TNNT1: variants seen among roughly 807,000 people sequenced by gnomAD.
The protein encoded by TNNT1 is troponin T1, slow skeletal type.
Under a neutral mutation model 50.6 loss-of-function variants are expected in TNNT1, and 53 were observed. The ratio of observed to expected loss-of-function variants is 1.05; its 90% CI spans 0.84 to 1.32. TNNT1 has a LOEUF of 1.32. Among genes scored for constraint, TNNT1 ranks in the 40% most tolerant of loss-of-function variants. The probability of loss-of-function intolerance (pLI) is 0.00; values close to 1 mark genes in which losing one functional copy is unlikely to be tolerated. For synonymous variants in TNNT1, 142 were observed against 138.0 expected, an observed-to-expected ratio of 1.03 and a Z score of -0.20; for missense variants, 348 against 381.7, an observed-to-expected ratio of 0.91 and a Z score of 0.74.
rs2085271570 is a variant in TNNT1, at chr19:55,132,827, C to A, written c.*88G>T. ...ACCATAATAACATCAGAGAACCCAGCGGGTGTCTGAGGGGAGCGTTTATTT... is the reference window on the plus strand; with the variant it reads ...ACCATAATAACATCAGAGAACCCAGAGGGTGTCTGAGGGGAGCGTTTATTT... On this transcript the variant is annotated 3_prime_UTR_variant, in exon 14 of 14. Transcript: ENST00000588981. The A allele has an allele frequency of 5.5e-6, 7 of 1,263,280 alleles. No homozygotes were observed. Among genetic ancestry groups the A allele is most frequent in the Admixed American group, 2.0e-5 (1 of 50,662 alleles). 78.3% of individuals were successfully genotyped at this position (1,263,280 alleles called of 1,614,324 possible). A position where few individuals can be genotyped will look rare whatever the true frequency, so the allele number is the denominator to read the frequency against.
intron 10 of TNNT1, 122 bp downstream of exon 10, chr19:55,137,839 C>G (rs2085381177): frequency 2.4e-6 from 3 of 1,256,962 alleles, no homozygotes; most frequent in South Asian, 2.4e-5. Flanking sequence ...CAGGGCCCAG[C>G]CCCTCCTCCC....
chr19:55,137,427 T>C (rs972855225), intron 10 of TNNT1, among the ~76,000 whole-genome samples: 14 of 147,162 alleles, frequency 9.5e-5, no homozygotes, highest in African/African-American at 3.6e-4. Context: ...TCTCTTAGAC[T>C]GAGTCCAAGC....
intron 5 of TNNT1, 109 bp from the exon 6 acceptor site, chr19:55,145,674 C>A (rs2085536351): frequency 1.7e-6 from 2 of 1,194,012 alleles, no homozygotes; most frequent in African/African-American, 1.5e-5. Flanking sequence ...CCCCAGGACC[C>A]CAGGGAAGGA....
chr19:55,143,478 A>G (rs2085494915), intron 6 of TNNT1, among the ~76,000 whole-genome samples: 1 of 152,088 alleles, frequency 6.6e-6, no homozygotes, highest in African/African-American at 2.4e-5. Context: ...GACTTAGGGG[A>G]TGCTGGGCAA....
chr19:55,146,631 C>T (rs1264101861), intron 4 of TNNT1, 50 bp downstream of exon 4: 2 of 742,896 alleles, frequency 2.7e-6, no homozygotes, highest in Non-Finnish European at 4.4e-6. Context: ...GGCCCAGCGT[C>T]CCCGCCCCCC....
At chr19:55,146,384 CCCCCCGGG>C (rs2085551690) in intron 5 of TNNT1, 42 bp downstream of exon 5, 1 of 1,305,978 alleles carries the variant, frequency 7.7e-7, no homozygotes, top group Non-Finnish European at 9.9e-7. Context: ...TATCGGGGGT[CCCCCCGGG>C]CCCCCGACAT....
chr19:55,133,916 C>T lies in TNNT1; in HGVS notation c.762G>A (p.Leu254=), dbSNP rs2085294014. 6.2e-7 allele frequency: 1 copy of T among 1,613,776 alleles called. No individual in the cohort carries two copies. The highest frequency in any genetic ancestry group is 1.1e-5 in the South Asian group (1 of 91,080). The change falls in exon 13 of 14, where the codon CTG becomes CTA. Residue 254 remains leucine (L), a synonymous_variant. Coordinates refer to ENST00000588981, the MANE Select transcript of TNNT1 (RefSeq NM_003283.6). ...LKQQKYEINV[L]YNRISHAQKF... ...TCTGGGCGTGGCTGATGCGGTTGTA[C>T]AGCACGTTGATCTGCGGAGGCAGAA... is the stretch of plus-strand genomic sequence containing the variant.
chr19:55,137,537 A>AG (rs2085371077), intron 10 of TNNT1, among the ~76,000 whole-genome samples: 1 of 61,062 alleles, frequency 1.6e-5, no homozygotes, highest in African/African-American at 9.8e-5. Context: ...CAGACCCAGG[A>AG]TTGCAGGCCC....
intron 5 of TNNT1, among the ~76,000 whole-genome samples, chr19:55,146,218 A>C (rs1411258297): frequency 1.3e-5 from 2 of 151,964 alleles, no homozygotes; most frequent in Non-Finnish European, 2.9e-5. Flanking sequence ...GGTCCCTTTA[A>C]GAAGGAAGGG....
Position 55,141,159 on chromosome 19 carries a change from C to G in TNNT1, c.309+27G>C, listed in dbSNP as rs201908002. 2,175 of 1,594,596 alleles carry G rather than the reference C, an allele frequency of 1.4e-3. 2 individuals are homozygous for G. Among genetic ancestry groups the G allele is most frequent in the Non-Finnish European group, 1.7e-3 (1,988 of 1,162,230 alleles). On this transcript the variant is annotated intron_variant, in intron 8 of 13. Transcript: ENST00000588981. ...GGGATCCACATGGAGGGAGGAAGAC[C>G]GGGGGGAACCCGGACTCTCGGCTCA...
At chr19:55,141,966 G>A (rs367795464) in intron 6 of TNNT1, 46 bp from the exon 7 acceptor site, 2 of 1,598,106 alleles carry the variant, frequency 1.3e-6, no homozygotes, top group Non-Finnish European at 1.7e-6. Context: ...CGACCTCCCT[G>A]AGCCACCTCC....
chr19:55,134,265 A>T, intron 11 of TNNT1, 61 bp from the exon 12 acceptor site: 1 of 1,481,214 alleles, frequency 6.8e-7, no homozygotes, highest in Non-Finnish European at 9.2e-7. Context: ...ACCCAAAGCC[A>T]CACAGCGAGA....
chr19:55,144,493 CCTCA>C (rs1373613743), intron 6 of TNNT1, among the ~76,000 whole-genome samples: 1 of 152,218 alleles, frequency 6.6e-6, no homozygotes, highest in African/African-American at 2.4e-5. Context: ...AATCCTCCTT[CCTCA>C]GCCTCCTGAG....
chr19:55,148,169 G>A (rs1253970889), intron 1 of TNNT1: 2 of 152,122 alleles, frequency 1.3e-5, no homozygotes, highest in African/African-American at 4.8e-5. Context: ...CCACCCCCAG[G>A]AGCTATTTTG....
chr19:55,134,413 C>T (rs556949874), intron 11 of TNNT1, among the ~76,000 whole-genome samples: 2 of 152,012 alleles, frequency 1.3e-5, no homozygotes, highest in Non-Finnish European at 2.9e-5. Flanking sequence ...GATTAAGAGA[C>T]CAGGCTCGGC....
At chr19:55,136,574 C>T (rs574945831) in intron 11 of TNNT1, among the ~76,000 whole-genome samples, 4 of 152,312 alleles carry the variant, frequency 2.6e-5, no homozygotes, top group South Asian at 2.1e-4. Flanking sequence ...GCGGCAAACC[C>T]GATCACGGCG....
chr19:55,147,867 C>A, intron 1 of TNNT1: 1 of 158,694 alleles, frequency 6.3e-6, no homozygotes, highest in Non-Finnish European at 1.4e-5. Flanking sequence ...GGCTGGGAGT[C>A]TAGACTCCTG....
chr19:55,146,490 C>G, intron 4 of TNNT1, 24 bp from the exon 5 acceptor site: 2 of 1,202,224 alleles, frequency 1.7e-6, no homozygotes, highest in Non-Finnish European at 2.1e-6. Context: ...GGAGGAGCAG[C>G]GAGGGTTTGG....
At chr19:55,140,791 A>C (rs1288816669) in intron 9 of TNNT1, 92 bp downstream of exon 9, 1 of 713,980 alleles carries the variant, frequency 1.4e-6, no homozygotes, top group South Asian at 4.0e-5. Flanking sequence ...AATAATAATA[A>C]TAGTAATAAT....
Sources: allele counts gnomAD v4.1 joint callset (sites outside exome capture counted in the v4.1 genomes callset), GRCh38; gene constraint gnomAD v4.1.1; transcripts MANE v1.5; gene names NCBI Gene and HGNC (gene_info 2026-07-23, HGNC 2026-07-21).